Variants in NUP133 observed in about 807,000 individuals in gnomAD.
The protein encoded by NUP133 is nucleoporin 133.
Under a neutral mutation model 146.2 loss-of-function variants are expected in NUP133, and 66 were observed. The ratio of observed to expected loss-of-function variants is 0.45; its 90% CI spans 0.37 to 0.55. The LOEUF is 0.55. NUP133 is among the 20% of genes least tolerant of loss of function. The pLI is 0.00. For synonymous variants in NUP133, 521 were observed against 498.8 expected (o/e 1.04, Z -0.59); for missense variants, 1,277 against 1,374.8 (o/e 0.93, Z 1.12).
At position 229,458,132 on chromosome 1, in the gene NUP133, T is replaced by A. The variant is rs575857635; in HGVS notation, c.2980+29A>T. Reference sequence around the variant, plus strand: ...GAGTTAATTGATGGCATGACCAATTTGTAAATCCTTTTGCTCAAATTCTTT... The same window carrying A: ...GAGTTAATTGATGGCATGACCAATTAGTAAATCCTTTTGCTCAAATTCTTT... On this transcript the variant is annotated intron_variant, in intron 21 of 25. Transcript: ENST00000261396. 9.0e-5 allele frequency: 144 copies of A among 1,601,082 alleles called. No homozygotes were observed. The African/African-American group carries it at 1.8e-3, about 20-fold the overall frequency.
chr1:229,499,216 T>C (rs963975843), intron 5 of NUP133: 3 of 470,962 alleles, frequency 6.4e-6, no homozygotes, highest in Non-Finnish European at 1.3e-5. Context: ...TGTTTCTTTG[T>C]GAACCTACAA....
chr1:229,451,881 T>C (rs1165575528), intron 22 of NUP133, among the ~76,000 whole-genome samples: 1 of 152,230 alleles, frequency 6.6e-6, no homozygotes, highest in Non-Finnish European at 1.5e-5. Context: ...TGAGTTACAA[T>C]AGAGAGTAAC....
At chr1:229,498,059 C>A (rs1324246631) in intron 6 of NUP133, 77 bp downstream of exon 6, 1 of 1,093,034 alleles carries the variant, frequency 9.1e-7, no homozygotes. Context: ...TGGAGGAATA[C>A]TAAATTCAGA....
At position 229,505,564 on chromosome 1, in the gene NUP133, TAAAAAAAAAAAAAA is replaced by T. The variant is rs56383157; in HGVS notation, c.301+462_301+475del. Among the ~76,000 whole-genome samples, 16 of 63,242 alleles carry T rather than the reference TAAAAAAAAAAAAAA, an allele frequency of 2.5e-4. No homozygotes were observed. In the South Asian group the frequency reaches 6.4e-3, roughly 25 times the overall value. 41.5% of individuals were successfully genotyped at this position (63,242 alleles called of 152,430 possible). On this transcript the variant is annotated intron_variant, in intron 2 of 25. Coordinates refer to ENST00000261396, the MANE Select transcript of NUP133 (RefSeq NM_018230.3). ...ATGTATTATACATCTCAATTACAGT[TAAAAAAAAAAAAAA>T]AAAAAAAAAAAAAAACTAAGACAGG...
chr1:229,484,636 T>G (rs949419657), intron 11 of NUP133, among the ~76,000 whole-genome samples: 4 of 152,208 alleles, frequency 2.6e-5, no homozygotes, highest in Admixed American at 2.0e-4. Context: ...TTTTTATAGG[T>G]TTGCTCTTAC....
chr1:229,506,028 G>C lies in NUP133; in HGVS notation c.301+12C>G. On this transcript the variant is annotated intron_variant, in intron 2 of 25. Transcript: ENST00000261396. The stretch of plus-strand genomic sequence containing the variant: ...AACTGCTAATATAGGTAAATGGAAA[G>C]ATGACACCTACCTTCAGCCAATGTT... 1 of 1,474,254 alleles carries C rather than the reference G, an allele frequency of 6.8e-7. No homozygotes were observed. The highest frequency in any genetic ancestry group is 9.5e-7 in the Non-Finnish European group (1 of 1,053,530). 91.3% of individuals were successfully genotyped at this position (1,474,254 alleles called of 1,614,324 possible).
intron 21 of NUP133, among the ~76,000 whole-genome samples, chr1:229,457,020 T>G (rs1660584452): frequency 6.6e-6 from 1 of 151,532 alleles, no homozygotes; most frequent in African/African-American, 2.4e-5. Flanking sequence ...TAGAGACAGG[T>G]TGTTACTAAG....
chr1:229,448,963 C>T (rs1030430751), intron 24 of NUP133, 163 bp downstream of exon 24: 1 of 633,756 alleles, frequency 1.6e-6, no homozygotes, highest in Middle Eastern at 4.2e-4. Context: ...AAAGGACATT[C>T]AGCTGGTGCC....
At position 229,463,663 on chromosome 1, in the gene NUP133, C is replaced by T. The variant is rs143038589; in HGVS notation, c.2565G>A (p.Gln855=). The T allele has an allele frequency of 1.9e-6, 3 of 1,611,994 alleles. No homozygotes were observed. The highest frequency in any genetic ancestry group is 2.5e-6 in the Non-Finnish European group (3 of 1,179,556). The change falls in exon 19 of 26, where the codon CAG becomes CAA. Residue 855 remains glutamine, a synonymous_variant. Transcript: ENST00000261396. ...DLLSPLLSLG[Q]YLWAASLAEK... The stretch of plus-strand genomic sequence containing the variant: ...CTGCTAGAGAAGCAGCCCACAGGTA[C>T]TGGCCTAGTGAAACTGTGGGAATGA...
At position 229,504,433 on chromosome 1, in the gene NUP133, C is replaced by T. The variant is rs534585644; in HGVS notation, c.301+1607G>A. Among the ~76,000 whole-genome samples the T allele has an allele frequency of 3.0e-3, 464 of 152,282 alleles. 2 individuals carry two copies. Among genetic ancestry groups the T allele is most frequent in the African/African-American group, 0.011 (452 of 41,550 alleles). ...TAAGGCTGCTCTGAACTTTGCTCTT[C>T]CAGTGTCATCCAACTGCTCATCTTT... On this transcript the variant is annotated intron_variant, in intron 2 of 25. Transcript: ENST00000261396.
intron 14 of NUP133, 96 bp from the exon 15 acceptor site, chr1:229,470,900 C>T: frequency 5.9e-6 from 6 of 1,012,396 alleles, no homozygotes; most frequent in Non-Finnish European, 7.4e-6. Context: ...TGGGCAGTCA[C>T]TGGCCCCAGC....
At chr1:229,506,285 G>T in intron 1 of NUP133, 127 bp from the exon 2 acceptor site, 3 of 475,028 alleles carry the variant, frequency 6.3e-6, no homozygotes, top group South Asian at 3.2e-5. Context: ...TATTTACCAT[G>T]TAATTAAATG....
At chr1:229,470,357 A>G (rs1008407846) in intron 15 of NUP133, among the ~76,000 whole-genome samples, 1 of 152,216 alleles carries the variant, frequency 6.6e-6, no homozygotes, top group African/African-American at 2.4e-5. Flanking sequence ...GGGGGAAAAA[A>G]GTAAACAGGG....
Position 229,465,483 on chromosome 1 carries a change from T to C in NUP133, c.2236A>G (p.Arg746Gly). The C allele has an allele frequency of 6.2e-7, 1 of 1,614,050 alleles. No homozygotes were observed. Among genetic ancestry groups the C allele is most frequent in the East Asian group, 2.2e-5 (1 of 44,874 alleles). ...TCTTCTCTTCTATACAAAGAGTTTC[T>C]ATTTTGGCGATAATGACTAGCAGCC... ...LQAASHYRQN[R>G]NSLYRREESL... The change falls in exon 17 of 26, where the codon AGA becomes GGA. Residue 746 changes from arginine (R) to glycine (G), a missense_variant. Arg to Gly is a moderately radical substitution (Grantham distance 125, BLOSUM62 -2). This residue lies in a region of NUP133 where 952 missense variants were observed against 1,047.0 expected (regional missense o/e 0.91). Coordinates refer to ENST00000261396, the MANE Select transcript of NUP133 (RefSeq NM_018230.3).
chr1:229,485,748 T>C (rs954855503), intron 11 of NUP133, among the ~76,000 whole-genome samples: 2 of 152,148 alleles, frequency 1.3e-5, no homozygotes, highest in South Asian at 2.1e-4. Context: ...GGCTTAAATG[T>C]AGTTGCTCCA....
intron 25 of NUP133, 145 bp downstream of exon 25, chr1:229,444,769 C>G (rs1660265567): frequency 1.9e-6 from 1 of 532,562 alleles, no homozygotes. Context: ...ATTGCTTGAA[C>G]CCGGGAGGTG....
At chr1:229,474,855 C>T (rs1266006871) in intron 14 of NUP133, among the ~76,000 whole-genome samples, 2 of 152,110 alleles carry the variant, frequency 1.3e-5, no homozygotes, top group Non-Finnish European at 2.9e-5. Context: ...GTAACCTCAG[C>T]ACCTTGGGAG....
At position 229,440,536 on chromosome 1, in the gene NUP133, G is replaced by A. The variant is rs146424464; in HGVS notation, c.*1368C>T. 5.0e-4 allele frequency: 76 copies of A among 152,424 alleles called. 1 individual carries two copies. Among genetic ancestry groups the A allele is most frequent in the Non-Finnish European group, 4.6e-4 (31 of 68,086 alleles). 9.4% of individuals were successfully genotyped at this position (152,424 alleles called of 1,614,324 possible). On this transcript the variant is annotated 3_prime_UTR_variant, in exon 26 of 26. Coordinates refer to ENST00000261396, the MANE Select transcript of NUP133 (RefSeq NM_018230.3). ...ACGGGAGGGAGATGGGAGCCTGTGT[G>A]TCTCGCAGCACATTATCACCCGACA...
chr1:229,484,885 A>G (rs1336285613), intron 11 of NUP133, among the ~76,000 whole-genome samples: 1 of 152,104 alleles, frequency 6.6e-6, no homozygotes, highest in Non-Finnish European at 1.5e-5. Flanking sequence ...TACAAAATGC[A>G]AGGTATTAAT....
Sources: gnomAD v4.1 joint callset for allele counts (sites outside exome capture counted in the v4.1 genomes callset) on GRCh38, gnomAD v4.1.1 for gene constraint, gnomAD v4.1.1 regional missense constraint, MANE v1.5 for transcripts, NCBI Gene and HGNC (gene_info 2026-07-23, HGNC 2026-07-21) for gene names.